Variants in KRT78 observed in about 807,000 individuals in gnomAD.
KRT78 encodes the protein keratin 78, also known as keratin, type II cytoskeletal 78.
KRT78 carries 55 observed loss-of-function variants against 51.4 expected under a neutral mutation model. The observed-to-expected ratio is 1.07, with a 90% CI of 0.86 to 1.34. KRT78 has a LOEUF of 1.34. KRT78 is among the 40% of genes most tolerant of loss of function. The probability of loss-of-function intolerance (pLI) is 0.00; values close to 1 mark genes in which losing one functional copy is unlikely to be tolerated. For missense variants in KRT78, 652 were observed against 649.4 expected (o/e 1.00, Z -0.04); for synonymous variants, 291 against 264.3 (o/e 1.10, Z -0.98).
In KRT78 at chr12:52,848,098, GT is replaced by G. The variant is rs1565701938; in HGVS notation, c.407del (p.Asn136ThrfsTer16). On this transcript the variant is annotated frameshift_variant, in exon 2 of 9. Transcript: ENST00000304620. LOFTEE classifies it high-confidence loss of function. ...IDKVRFLEQQ[N>X]KVLETKWHLL... is the part of the protein sequence containing the mutation. ...GATGCCACTTCGTCTCCAGGACCTTGTTCTGCTGCTCCAGGAACCGCACCTG... is the reference window on the plus strand; with the variant it reads ...GATGCCACTTCGTCTCCAGGACCTTGTCTGCTGCTCCAGGAACCGCACCTG... 2.5e-6 allele frequency: 4 copies of G among 1,614,158 alleles called. No homozygotes were observed. Among genetic ancestry groups the G allele is most frequent in the Non-Finnish European group, 2.5e-6 (3 of 1,180,030 alleles).
In KRT78 at chr12:52,848,598, C is replaced by T. The variant is rs1175068188; in HGVS notation, c.333G>A (p.Glu111=). The change falls in exon 1 of 9, where the codon GAG becomes GAA. Residue 111 remains glutamate, a synonymous_variant. Transcript: ENST00000304620. ...TGTTGAGGGTTCTGATCTCCTGGGT[C>T]TCCTGCGTCCGCACCACCTGGAACT... ...DPQFQVVRTQ[E]TQEIRTLNNQ... 11 of 1,613,974 alleles carry T rather than the reference C, an allele frequency of 6.8e-6. No individual in the cohort carries two copies. The highest frequency in any genetic ancestry group is 9.3e-6 in the Non-Finnish European group (11 of 1,179,992).
intron 6 of KRT78, among the ~76,000 whole-genome samples, chr12:52,843,058 GAAGA>G (rs1390616576): frequency 3.4e-5 from 5 of 145,082 alleles, no homozygotes; most frequent in Non-Finnish European, 3.0e-5. Flanking sequence ...AGGGAGGAAG[GAAGA>G]AAGAAAGAAA....
At chr12:52,839,572 G>T in intron 7 of KRT78, 85 bp from the exon 8 acceptor site, 1 of 1,406,640 alleles carries the variant, frequency 7.1e-7, no homozygotes, top group South Asian at 1.4e-5. Context: ...CCTCAAAGCA[G>T]GTCACCCACC....
rs780626110 is a variant in KRT78, at chr12:52,846,815, C to T, written c.609G>A (p.Glu203=). The change falls in exon 3 of 9, where the codon GAG becomes GAA. Residue 203 remains glutamate (E), a synonymous_variant. Transcript: ENST00000304620. ...CAAGTGTGGCACGCCTGTGGGCCTC[C>T]TCCTCATACCTGCCAAATAAGTAGA... The part of the protein sequence containing the change: ...QEEEYKSKYE[E]EAHRRATLEN... The T allele has an allele frequency of 1.9e-6, 3 of 1,613,416 alleles. No individual in the cohort carries two copies. The highest frequency in any genetic ancestry group is 1.3e-5 in the African/African-American group (1 of 74,898).
intron 4 of KRT78, among the ~76,000 whole-genome samples, 181 bp from the exon 5 acceptor site, chr12:52,844,904 ATAGGAGG>A (rs1221708254): frequency 1.3e-5 from 2 of 152,080 alleles, no homozygotes; most frequent in African/African-American, 4.8e-5. Context: ...AATGAGAGCC[ATAGGAGG>A]TGGTCTCTGA....
chr12:52,838,947 A>C lies in KRT78; in HGVS notation c.*166T>G, dbSNP rs1027830419. On this transcript the variant is annotated 3_prime_UTR_variant, in exon 9 of 9. Coordinates refer to ENST00000304620, the MANE Select transcript of KRT78 (RefSeq NM_173352.4). ...GTTTTGCTGGGTGAGGTGTGCAAGC[A>C]CTTAGAGCATTCAGAACAGCAGGAG... 8.9e-6 allele frequency: 7 copies of C among 786,280 alleles called. No homozygotes were observed. In the Admixed American group the frequency reaches 1.7e-4, roughly 20 times the overall value. The allele number at this position is 786,280 out of a possible 1,614,324, so 48.7% of individuals were successfully genotyped here.
chr12:52,839,914 G>C lies in KRT78; in HGVS notation c.1118C>G (p.Ala373Gly). 1.9e-6 allele frequency: 3 copies of C among 1,614,030 alleles called. No individual in the cohort carries two copies. Among genetic ancestry groups the C allele is most frequent in the Non-Finnish European group, 2.5e-6 (3 of 1,180,006 alleles). The change falls in exon 7 of 9, where the codon GCC becomes GGC. Residue 373 changes from alanine (A) to glycine (G), a missense_variant. Coordinates refer to ENST00000304620, the MANE Select transcript of KRT78 (RefSeq NM_173352.4). ...RGELALKDAQ[A>G]KVDELEAALR... is the part of the protein sequence containing the mutation. ...AGCAGCCTCCAGCTCGTCCACCTTG[G>C]CCTGAGCGTCCTTGAGGGCCAGCTC...
At chr12:52,846,174 C>G in intron 4 of KRT78, 23 bp downstream of exon 4, 11 of 1,558,912 alleles carry the variant, frequency 7.1e-6, no homozygotes, top group Non-Finnish European at 9.7e-6. Context: ...TTGGCTGCAG[C>G]CTGCCCTTTG....
chr12:52,848,950 G>A lies in KRT78; in HGVS notation c.-20C>T, dbSNP rs762827127. 1.0e-5 allele frequency: 16 copies of A among 1,524,966 alleles called. No homozygotes were observed. The highest frequency in any genetic ancestry group is 2.1e-5 in the Admixed American group (1 of 48,222). The allele number at this position is 1,524,966 out of a possible 1,614,324, so 94.5% of individuals were successfully genotyped here. On this transcript the variant is annotated 5_prime_UTR_variant, in exon 1 of 9. Coordinates refer to ENST00000304620, the MANE Select transcript of KRT78 (RefSeq NM_173352.4). ...AGACATGGCAGAGACAGACAGTCAC[G>A]CAGCTGCAGACGGACAGACAGATTG...
chr12:52,838,979 C>T lies in KRT78; in HGVS notation c.*134G>A. ...GCATTCAGAACAGCAGGAGGGGAGA[C>T]TTTATTGATTTTTGCAGCATCCGCT... On this transcript the variant is annotated 3_prime_UTR_variant, in exon 9 of 9. Transcript: ENST00000304620. 9.5e-7 allele frequency: 1 copy of T among 1,057,380 alleles called. No homozygotes were observed. Among genetic ancestry groups the T allele is most frequent in the Admixed American group, 2.7e-5 (1 of 37,498 alleles). 65.5% of individuals were successfully genotyped at this position (1,057,380 alleles called of 1,614,324 possible).
chr12:52,846,859 C>T, intron 2 of KRT78, 35 bp from the exon 3 acceptor site: 1 of 1,560,758 alleles, frequency 6.4e-7, no homozygotes, highest in Non-Finnish European at 8.8e-7. Context: ...CAGTTTGAGG[C>T]TCCACGGTCA....
rs181613690 is a variant in KRT78, at chr12:52,846,012, G to T, written c.756+185C>A. On this transcript the variant is annotated intron_variant, in intron 4 of 8. Coordinates refer to ENST00000304620, the MANE Select transcript of KRT78 (RefSeq NM_173352.4). Reference sequence around the variant, plus strand: ...GATTTTTTTCTGGTTATTCATTGATGTATCCCCAGGACCTAGCAATTCACA... The same window carrying T: ...GATTTTTTTCTGGTTATTCATTGATTTATCCCCAGGACCTAGCAATTCACA... 7 of 545,496 alleles carry T rather than the reference G, an allele frequency of 1.3e-5. No homozygotes were observed. The East Asian group carries it at 1.8e-4, about 14-fold the overall frequency. 33.8% of individuals were successfully genotyped at this position (545,496 alleles called of 1,614,324 possible). A position where few individuals can be genotyped will look rare whatever the true frequency, so the allele number is the denominator to read the frequency against.
chr12:52,840,751 G>A (rs1940475546), intron 6 of KRT78, among the ~76,000 whole-genome samples: 1 of 152,064 alleles, frequency 6.6e-6, no homozygotes, highest in Admixed American at 6.6e-5. Context: ...GAATGATGCA[G>A]CAATAAGACG....
At chr12:52,840,551 A>G (rs1940469788) in intron 6 of KRT78, among the ~76,000 whole-genome samples, 1 of 152,078 alleles carries the variant, frequency 6.6e-6, no homozygotes, top group African/African-American at 2.4e-5. Flanking sequence ...AAATAAAAAT[A>G]AAAAAATTAG....
intron 3 of KRT78, 127 bp from the exon 4 acceptor site, chr12:52,846,419 C>T (rs1290617752): frequency 4.2e-6 from 3 of 710,766 alleles, no homozygotes; most frequent in African/African-American, 1.7e-5. Flanking sequence ...CCCCTCCTTC[C>T]TCCTCCAGCC....
rs1940389213 is a variant in KRT78 at position 52,838,140 on chromosome 12, A to G, written c.*973T>C. The G allele has an allele frequency of 6.6e-6, 1 of 152,210 alleles. No individual in the cohort carries two copies. Among genetic ancestry groups the G allele is most frequent in the Non-Finnish European group, 1.5e-5 (1 of 68,048 alleles). The allele number at this position is 152,210 out of a possible 1,614,324, so 9.4% of individuals were successfully genotyped here. A position where few individuals can be genotyped will look rare whatever the true frequency, so the allele number is the denominator to read the frequency against. ...GGAGAGGCGTAGTGTGACCTCCTGCAGCCCAGACTATGGAGTTTGGGGTTG... is the reference window on the plus strand; with the variant it reads ...GGAGAGGCGTAGTGTGACCTCCTGCGGCCCAGACTATGGAGTTTGGGGTTG... On this transcript the variant is annotated 3_prime_UTR_variant, in exon 9 of 9. Transcript: ENST00000304620.
intron 1 of KRT78, 188 bp downstream of exon 1, chr12:52,848,359 C>T: frequency 7.0e-7 from 1 of 1,432,236 alleles, no homozygotes; most frequent in Non-Finnish European, 9.4e-7. Context: ...CCCTGAGCCC[C>T]AATCATGGAA....
chr12:52,840,634 G>A (rs1940472529), intron 6 of KRT78, among the ~76,000 whole-genome samples: 1 of 152,184 alleles, frequency 6.6e-6, no homozygotes, highest in Non-Finnish European at 1.5e-5. Context: ...TTGAACCCGG[G>A]AGGTGGAGGT....
In KRT78 at chr12:52,848,848, C is replaced by T. The variant is rs1300957103; in HGVS notation, c.83G>A (p.Gly28Glu). 3 of 1,612,186 alleles carry T rather than the reference C, an allele frequency of 1.9e-6. No homozygotes were observed. The highest frequency in any genetic ancestry group is 1.3e-5 in the African/African-American group (1 of 74,992). Reference protein sequence around the residue: ...CSARSRGRSRGGFSSRGGFSS... With the variant: ...CSARSRGRSREGFSSRGGFSS... The stretch of plus-strand genomic sequence containing the variant: ...GAAGCCGCCCCTGCTGCTGAAGCCT[C>T]CCCTGCTGCGGCCCCTTGAGCGAGC... Residue 28 changes from glycine to glutamate, a missense_variant, in exon 1 of 9, where the codon GGA becomes GAA. Gly to Glu is a moderately conservative substitution (Grantham distance 98). Transcript: ENST00000304620.
Sources: gnomAD v4.1 joint callset for allele counts (sites outside exome capture counted in the v4.1 genomes callset) on GRCh38, gnomAD v4.1.1 for gene constraint, MANE v1.5 for transcripts, NCBI Gene and HGNC (gene_info 2026-07-23, HGNC 2026-07-21) for gene names.